The following NPFFR2 variants were observed in gnomAD, a reference collection of about 807,000 sequenced individuals.
The protein encoded by NPFFR2 is neuropeptide FF receptor 2, also known as G-protein coupled receptor 74.
In NPFFR2, 15 loss-of-function variants were observed where a neutral mutation model predicts 13.1. The observed-to-expected ratio is 1.15, with a 90% confidence interval of 0.77 to 1.76. The LOEUF (loss-of-function observed/expected upper bound fraction) is 1.76, where lower values mean the gene tolerates loss of function less well. Among genes scored for constraint, NPFFR2 ranks in the 40% most tolerant of loss-of-function variants. NPFFR2 has a pLI of 0.00. For synonymous variants in NPFFR2, 190 were observed against 175.7 expected, an observed-to-expected ratio of 1.08 and a Z score of -0.65; for missense variants, 572 against 503.5, an observed-to-expected ratio of 1.14 and a Z score of -1.30.
intron 2 of NPFFR2, among the ~76,000 whole-genome samples, chr4:72,130,120 A>G (rs1722189479): frequency 6.6e-6 from 1 of 151,812 alleles, no homozygotes; most frequent in Non-Finnish European, 1.5e-5. Context: ...ACCTAACAAA[A>G]TGGAGTCTCC....
At chr4:72,082,730 T>G (rs74979092) in intron 1 of NPFFR2, among the ~76,000 whole-genome samples, 3,957 of 152,218 alleles carry the variant, frequency 0.026, 135 homozygotes, top group African/African-American at 0.079. Context: ...TGTAATTACC[T>G]CGATGTACAA....
At chr4:72,032,631 C>T (rs72852853) in intron 1 of NPFFR2, among the ~76,000 whole-genome samples, 6,932 of 152,306 alleles carry the variant, frequency 0.046, 526 homozygotes, top group African/African-American at 0.16. Flanking sequence ...TGCATTTCCA[C>T]TTGCTAGAAA....
At chr4:72,128,298 A>G (rs1274588138) in intron 1 of NPFFR2, among the ~76,000 whole-genome samples, 1 of 152,192 alleles carries the variant, frequency 6.6e-6, no homozygotes, top group Non-Finnish European at 1.5e-5. Context: ...AGGGAAATGG[A>G]TAGAGTGCAT....
intron 1 of NPFFR2, among the ~76,000 whole-genome samples, chr4:72,101,499 A>T (rs1357182675): frequency 1.3e-5 from 2 of 151,632 alleles, no homozygotes; most frequent in Non-Finnish European, 2.9e-5. Context: ...TATATAATAG[A>T]AGAGATACTA....
chr4:72,119,394 A>G (rs760998360), intron 1 of NPFFR2, among the ~76,000 whole-genome samples: 49 of 152,364 alleles, frequency 3.2e-4, no homozygotes, highest in Non-Finnish European at 7.1e-4. Flanking sequence ...AATTATTTAT[A>G]ATACTATTAA....
At position 72,130,384 on chromosome 4, in the gene NPFFR2, G is replaced by A. The variant is rs538348639; in HGVS notation, c.328+1465G>A. ...GAGAGATTTCCAACAGTTTTTGAGAGAAGATGCAACAATATTAATGATTTT... is the reference window on the plus strand; with the variant it reads ...GAGAGATTTCCAACAGTTTTTGAGAAAAGATGCAACAATATTAATGATTTT... On this transcript the variant is annotated intron_variant, in intron 2 of 3. Coordinates refer to ENST00000308744, the MANE Select transcript of NPFFR2 (RefSeq NM_004885.3). 6.6e-5 allele frequency among the ~76,000 whole-genome samples: 10 copies of A among 152,232 alleles called. No individual in the cohort carries two copies. In the South Asian group the frequency reaches 2.1e-3, roughly 32 times the overall value.
intron 1 of NPFFR2, among the ~76,000 whole-genome samples, chr4:72,049,528 G>C (rs1012201505): frequency 1.3e-5 from 2 of 152,068 alleles, no homozygotes; most frequent in Non-Finnish European, 2.9e-5. Flanking sequence ...AGAATATGCT[G>C]TTTGATGTTT....
At chr4:72,127,139 A>C (rs1178476306) in intron 1 of NPFFR2, among the ~76,000 whole-genome samples, 1 of 150,580 alleles carries the variant, frequency 6.6e-6, no homozygotes, top group African/African-American at 2.4e-5. Context: ...CGTCTCTACT[A>C]AAAATACAAA....
intron 2 of NPFFR2, 42 bp downstream of exon 2, chr4:72,128,961 T>C (rs776773943): frequency 2.1e-6 from 3 of 1,433,436 alleles, no homozygotes; most frequent in Non-Finnish European, 2.9e-6. Flanking sequence ...TATGAAATAT[T>C]TGTCCCATAT....
intron 1 of NPFFR2, 69 bp downstream of exon 1, chr4:72,032,269 C>A: frequency 6.8e-7 from 1 of 1,463,660 alleles, no homozygotes; most frequent in Non-Finnish European, 9.2e-7. Context: ...ATGCCCAACG[C>A]TTGCCTTGAT....
intron 1 of NPFFR2, among the ~76,000 whole-genome samples, chr4:72,059,822 T>TGTTCTATTATTATCTGACCTCC (rs1719869596): frequency 6.6e-6 from 1 of 152,116 alleles, no homozygotes; most frequent in Non-Finnish European, 1.5e-5. Context: ...CTCAGGCTAA[T>TGTTCTATTATTATCTGACCTCC]GTTCTATTAT....
intron 2 of NPFFR2, 132 bp from the exon 3 acceptor site, chr4:72,137,908 A>C (rs1403002745): frequency 6.0e-6 from 4 of 662,210 alleles, no homozygotes; most frequent in Non-Finnish European, 1.1e-5. Context: ...AAATACTGAG[A>C]AACATTGATT....
At chr4:72,053,005 G>A (rs1468227507) in intron 1 of NPFFR2, among the ~76,000 whole-genome samples, 3 of 151,748 alleles carry the variant, frequency 2.0e-5, no homozygotes, top group African/African-American at 7.3e-5. Flanking sequence ...ACCAGCCAGT[G>A]TACATCTTAC....
At position 72,147,268 on chromosome 4, in the gene NPFFR2, G is replaced by A. The variant is rs1216800535; in HGVS notation, c.719G>A (p.Gly240Glu). 6.2e-7 allele frequency: 1 copy of A among 1,614,134 alleles called. No individual in the cohort carries two copies. Among genetic ancestry groups the A allele is most frequent in the South Asian group, 1.1e-5 (1 of 91,076 alleles). Residue 240 changes from glycine to glutamate, a missense_variant, in exon 4 of 4, where the codon GGA becomes GAA. Transcript: ENST00000308744. ...APLSLIVIMY[G>E]RIGISLFRAA... ...CTCTCCCTCATTGTCATCATGTATGGAAGGATTGGAATTTCACTCTTCAGG... is the reference window on the plus strand; with the variant it reads ...CTCTCCCTCATTGTCATCATGTATGAAAGGATTGGAATTTCACTCTTCAGG...
chr4:72,044,112 G>T (rs115089770), intron 1 of NPFFR2, among the ~76,000 whole-genome samples: 1 of 152,132 alleles, frequency 6.6e-6, no homozygotes, highest in Non-Finnish European at 1.5e-5. Context: ...TCTTCTTGCT[G>T]CCACCATGTG....
intron 1 of NPFFR2, among the ~76,000 whole-genome samples, chr4:72,093,177 A>G (rs904206162): frequency 2.0e-5 from 3 of 152,204 alleles, no homozygotes; most frequent in African/African-American, 7.2e-5. Context: ...TTTAGCTTGC[A>G]GGGTTTCTGC....
At chr4:72,041,347 C>T (rs1719214294) in intron 1 of NPFFR2, among the ~76,000 whole-genome samples, 1 of 152,200 alleles carries the variant, frequency 6.6e-6, no homozygotes, top group East Asian at 1.9e-4. Flanking sequence ...TTTATAACTG[C>T]ATAGTATTAC....
intron 1 of NPFFR2, among the ~76,000 whole-genome samples, chr4:72,121,235 G>T (rs1721866642): frequency 6.6e-6 from 1 of 152,120 alleles, no homozygotes; most frequent in African/African-American, 2.4e-5. Context: ...AAGCCTCCAA[G>T]AAATATGGTA....
In NPFFR2 at chr4:72,038,328, A is replaced by G. The variant is rs529473223; in HGVS notation, c.-8+6128A>G. Among the ~76,000 whole-genome samples, 8 of 152,354 alleles carry G rather than the reference A, an allele frequency of 5.3e-5. No homozygotes were observed. The South Asian group carries it at 1.4e-3, about 28-fold the overall frequency. On this transcript the variant is annotated intron_variant, in intron 1 of 3. Transcript: ENST00000308744. ...ATGATTTTATTCCCCAAAATGAAAT[A>G]TAAGCTCCATGAGAGATGTACAGTA...
Sources: allele counts gnomAD v4.1 joint callset (sites outside exome capture counted in the v4.1 genomes callset), GRCh38; gene constraint gnomAD v4.1.1; transcripts MANE v1.5; gene names NCBI Gene and HGNC (gene_info 2026-07-23, HGNC 2026-07-21).